TNIK: variants seen among roughly 807,000 people sequenced by gnomAD.
TNIK encodes the protein TRAF2 and NCK interacting kinase.
A neutral mutation model predicts 191.3 loss-of-function variants in TNIK; 49 were observed. The observed-to-expected ratio is 0.26, with a 90% CI of 0.20 to 0.32. The LOEUF (loss-of-function observed/expected upper bound fraction) is 0.32, where lower values mean the gene tolerates loss of function less well. Ranked by LOEUF, TNIK falls within the 10% of genes least tolerant of loss-of-function variation. TNIK has a pLI of 1.00. For synonymous variants in TNIK, 594 were observed against 600.9 expected, an observed-to-expected ratio of 0.99 and a Z score of 0.17; for missense variants, 1,155 against 1,702.3, an observed-to-expected ratio of 0.68 and a Z score of 5.66.
intron 21 of TNIK, among the ~76,000 whole-genome samples, chr3:171,104,467 A>G (rs193215183): frequency 6.6e-6 from 1 of 152,324 alleles, no homozygotes; most frequent in East Asian, 1.9e-4. Flanking sequence ...TTGAGAATAT[A>G]TAGCTAAAAA....
chr3:171,403,825 A>G (rs1721303698), intron 1 of TNIK, among the ~76,000 whole-genome samples: 1 of 152,180 alleles, frequency 6.6e-6, no homozygotes, highest in Admixed American at 6.5e-5. Context: ...TGAAAGTACT[A>G]CCTGTTCAAA....
chr3:171,361,913 G>C (rs1276307221), intron 2 of TNIK, among the ~76,000 whole-genome samples: 1 of 152,104 alleles, frequency 6.6e-6, no homozygotes, highest in Non-Finnish European at 1.5e-5. Context: ...AACAACTGAA[G>C]TTCCAAATAG....
intron 13 of TNIK, 90 bp from the exon 14 acceptor site, chr3:171,139,646 A>G: frequency 3.9e-6 from 5 of 1,283,602 alleles, no homozygotes; most frequent in Non-Finnish European, 5.7e-6. Context: ...GCCGCTAAGT[A>G]AAGTGTAGAA....
At chr3:171,208,069 A>C (rs1740317625) in intron 4 of TNIK, among the ~76,000 whole-genome samples, 1 of 152,116 alleles carries the variant, frequency 6.6e-6, no homozygotes, top group Admixed American at 6.6e-5. Context: ...AGTGGCTTGC[A>C]CCTGTAATCC....
At chr3:171,223,345 T>C (rs935004513) in intron 3 of TNIK, among the ~76,000 whole-genome samples, 5 of 152,236 alleles carry the variant, frequency 3.3e-5, no homozygotes, top group African/African-American at 1.2e-4. Flanking sequence ...GCTTTATTTA[T>C]AAATATTTAG....
chr3:171,423,205 C>T (rs938805934), intron 1 of TNIK, among the ~76,000 whole-genome samples: 1 of 152,064 alleles, frequency 6.6e-6, no homozygotes, highest in Non-Finnish European at 1.5e-5. Flanking sequence ...AACAGAGAGC[C>T]AAATCATGAG....
At chr3:171,137,133 T>A (rs1254579113) in intron 15 of TNIK, among the ~76,000 whole-genome samples, 1 of 137,382 alleles carries the variant, frequency 7.3e-6, no homozygotes. Context: ...TTTTTTTTTT[T>A]ACTTTCTGCT....
chr3:171,282,034 C>A (rs1488500697), intron 2 of TNIK, among the ~76,000 whole-genome samples: 2 of 152,202 alleles, frequency 1.3e-5, no homozygotes, highest in Non-Finnish European at 2.9e-5. Flanking sequence ...TGTGAACTGG[C>A]ATCCTCTCCC....
At chr3:171,194,379 C>T in intron 5 of TNIK, 146 bp downstream of exon 5, 1 of 694,556 alleles carries the variant, frequency 1.4e-6, no homozygotes, top group South Asian at 2.0e-5. Flanking sequence ...ACCACCACCA[C>T]CACCACTGAT....
chr3:171,161,693 C>T (rs766718422), intron 10 of TNIK, among the ~76,000 whole-genome samples: 21 of 151,718 alleles, frequency 1.4e-4, no homozygotes, highest in South Asian at 1.3e-3. Flanking sequence ...CTGAGGCGGG[C>T]GGATCACAAG....
At chr3:171,359,747 A>G (rs1714693908) in intron 2 of TNIK, among the ~76,000 whole-genome samples, 1 of 152,264 alleles carries the variant, frequency 6.6e-6, no homozygotes, top group South Asian at 2.1e-4. Flanking sequence ...GAGATAAGAA[A>G]TACAATCTCA....
chr3:171,427,728 A>T (rs1211636730), intron 1 of TNIK, among the ~76,000 whole-genome samples: 1 of 152,176 alleles, frequency 6.6e-6, no homozygotes, highest in South Asian at 2.1e-4. Context: ...AACAAAATCA[A>T]GGGAAAGATG....
intron 2 of TNIK, among the ~76,000 whole-genome samples, chr3:171,267,241 C>T (rs1748508655): frequency 6.6e-6 from 1 of 152,094 alleles, no homozygotes; most frequent in African/African-American, 2.4e-5. Context: ...TAAGAAGAGC[C>T]AAGAGGTTCT....
intron 12 of TNIK, among the ~76,000 whole-genome samples, chr3:171,147,340 G>T (rs1560180806): frequency 2.0e-5 from 3 of 152,168 alleles, no homozygotes; most frequent in Non-Finnish European, 4.4e-5. Context: ...CATCACACAT[G>T]CCCCCTCACT....
At chr3:171,427,083 C>T (rs113671505) in intron 1 of TNIK, among the ~76,000 whole-genome samples, 2,224 of 152,240 alleles carry the variant, frequency 0.015, 19 homozygotes, top group Non-Finnish European at 0.023. Context: ...TTGCTAACAT[C>T]CTTTTGTTAG....
intron 1 of TNIK, among the ~76,000 whole-genome samples, chr3:171,374,245 G>T (rs1716920537): frequency 6.6e-6 from 1 of 152,040 alleles, no homozygotes; most frequent in Non-Finnish European, 1.5e-5. Flanking sequence ...AATCCCAAAT[G>T]GACAAAACTG....
At position 171,425,824 on chromosome 3, in the gene TNIK, T is replaced by C. The variant is rs559359285; in HGVS notation, c.57+34183A>G. ...GCCTGGGTGACAGAGTGAGACTCTG[T>C]CAAAAAAAAAAAAAAAAAGGAAGAA... On this transcript the variant is annotated intron_variant, in intron 1 of 32. Transcript: ENST00000436636. 5.3e-5 allele frequency among the ~76,000 whole-genome samples: 4 copies of C among 75,716 alleles called. No homozygotes were observed. The South Asian group carries it at 1.6e-3, about 30-fold the overall frequency. The allele number at this position is 75,716 out of a possible 152,430, so 49.7% of individuals were successfully genotyped here.
chr3:171,405,319 C>T (rs1381721897), intron 1 of TNIK, among the ~76,000 whole-genome samples: 1 of 151,948 alleles, frequency 6.6e-6, no homozygotes, highest in African/African-American at 2.4e-5. Flanking sequence ...AACCAGCAAC[C>T]CCTATGTAAG....
chr3:171,314,889 C>T (rs1244987933), intron 2 of TNIK, among the ~76,000 whole-genome samples: 1 of 152,110 alleles, frequency 6.6e-6, no homozygotes, highest in Non-Finnish European at 1.5e-5. Flanking sequence ...TTTCAAGTAT[C>T]ACTGAACATC....
Sources: gnomAD v4.1 joint callset for allele counts (sites outside exome capture counted in the v4.1 genomes callset) on GRCh38, gnomAD v4.1.1 for gene constraint, MANE v1.5 for transcripts, NCBI Gene and HGNC (gene_info 2026-07-23, HGNC 2026-07-21) for gene names.